DOP1A: variants seen among roughly 807,000 people sequenced by gnomAD.
DOP1A encodes the protein DOP1 leucine zipper like protein A.
A neutral mutation model predicts 267.6 loss-of-function variants in DOP1A; 90 were observed. The ratio of observed to expected loss-of-function variants is 0.34; its 90% CI spans 0.28 to 0.40. DOP1A has a LOEUF of 0.40. Ranked by LOEUF, DOP1A falls within the 10% of genes least tolerant of loss-of-function variation. DOP1A has a pLI of 1.00. For synonymous variants in DOP1A, 932 were observed against 999.1 expected (o/e 0.93, Z 1.27); for missense variants, 2,437 against 2,900.4 (o/e 0.84, Z 3.67).
At chr6:83,115,783 G>A (rs567370989) in intron 7 of DOP1A, among the ~76,000 whole-genome samples, 7 of 151,912 alleles carry the variant, frequency 4.6e-5, no homozygotes, top group Non-Finnish European at 8.8e-5. Context: ...GTGTTGTACC[G>A]TAGATCTTTT....
chr6:83,170,512 T>C (rs369681936), downstream of DOP1A: 1 of 1,557,246 alleles, frequency 6.4e-7, no homozygotes. Flanking sequence ...GTTACTCTAT[T>C]ACACTTCCTT....
chr6:83,155,822 G>A (rs1425304233), intron 33 of DOP1A, 129 bp from the exon 34 acceptor site: 3 of 1,057,268 alleles, frequency 2.8e-6, no homozygotes, highest in Admixed American at 5.5e-5. Context: ...CCCAGAGAGG[G>A]GCATCAAGTT....
Position 83,147,197 on chromosome 6 carries a change from ATTC to A in DOP1A, c.5677-32_5677-30del, listed in dbSNP as rs3830925. On this transcript the variant is annotated intron_variant, in intron 25 of 38. Coordinates refer to ENST00000349129, the MANE Select transcript of DOP1A (RefSeq NM_015018.4). Reference sequence around the variant, plus strand: ...GCAACAATGAAAAAGCAAAGGCAGTATTCTTCTTCACTACAAAATTGATTTCTT... The same window carrying A: ...GCAACAATGAAAAAGCAAAGGCAGTATTCTTCACTACAAAATTGATTTCTT... The A allele has an allele frequency of 4.3e-3, 4,805 of 1,105,246 alleles. 63 individuals are homozygous for A. The highest frequency in any genetic ancestry group is 0.038 in the African/African-American group (2,435 of 64,054). 68.5% of individuals were successfully genotyped at this position (1,105,246 alleles called of 1,614,324 possible). A position where few individuals can be genotyped will look rare whatever the true frequency, so the allele number is the denominator to read the frequency against.
chr6:83,142,333 C>G (rs1374085030), intron 24 of DOP1A, among the ~76,000 whole-genome samples: 1 of 151,974 alleles, frequency 6.6e-6, no homozygotes, highest in Non-Finnish European at 1.5e-5. Flanking sequence ...CATAGTGAAA[C>G]CCCGTCTCTA....
Position 83,120,690 on chromosome 6 carries a change from TG to T in DOP1A, c.1001del (p.Gly334GlufsTer5). ...FSKELLVQAMVGILQVNGFGE... is the reference protein window; with the variant it reads ...FSKELLVQAMXGILQVNGFGE... ...TACTTTCCTTTTTTAAAGGCAATGG[TG>T]GGAATCTTACAAGTGAATGGATTTG... On this transcript the variant is annotated frameshift_variant, in exon 10 of 39. Transcript: ENST00000349129. LOFTEE classifies it high-confidence loss of function. 6.4e-7 allele frequency: 1 copy of T among 1,573,904 alleles called. No homozygotes were observed. The highest frequency in any genetic ancestry group is 1.2e-5 in the South Asian group (1 of 86,922).
At chr6:83,086,601 C>T (rs1244389102) in intron 1 of DOP1A, among the ~76,000 whole-genome samples, 2 of 152,074 alleles carry the variant, frequency 1.3e-5, no homozygotes, top group Non-Finnish European at 2.9e-5. Flanking sequence ...TAAGAGATAA[C>T]AAACCTTGAG....
rs953980751 is a variant in DOP1A, at chr6:83,137,118, A to G, written c.3131-55A>G. 2.1e-5 allele frequency: 30 copies of G among 1,435,610 alleles called. 2 individuals are homozygous for G. The highest frequency in any genetic ancestry group is 1.8e-4 in the South Asian group (12 of 66,200). 88.9% of individuals were successfully genotyped at this position (1,435,610 alleles called of 1,614,324 possible). ...GATCAGTCTACATTTCTACATTTCAATTATTTTAATGCATTTTGTATTTTT... is the reference window on the plus strand; with the variant it reads ...GATCAGTCTACATTTCTACATTTCAGTTATTTTAATGCATTTTGTATTTTT... On this transcript the variant is annotated intron_variant, in intron 20 of 38. Coordinates refer to ENST00000349129, the MANE Select transcript of DOP1A (RefSeq NM_015018.4).
intron 27 of DOP1A, among the ~76,000 whole-genome samples, chr6:83,151,276 T>C (rs1229159707): frequency 6.6e-6 from 1 of 152,188 alleles, no homozygotes; most frequent in African/African-American, 2.4e-5. Context: ...TGCCTTAGCC[T>C]ACCAAGTAGC....
At chr6:83,134,536 TC>T (rs1778578203) in intron 19 of DOP1A, 1 of 368,694 alleles carries the variant, frequency 2.7e-6, no homozygotes, top group Non-Finnish European at 4.9e-6. Context: ...TTCATCACGT[TC>T]CTGATAATGT....
intron 29 of DOP1A, 110 bp from the exon 30 acceptor site, chr6:83,152,176 TAC>T: frequency 1.3e-6 from 1 of 773,162 alleles, no homozygotes; most frequent in Non-Finnish European, 2.0e-6. Flanking sequence ...AATATATATA[TAC>T]ATATACATAT....
intron 38 of DOP1A, chr6:83,166,740 T>C (rs926652932): frequency 3.5e-6 from 4 of 1,136,548 alleles, no homozygotes; most frequent in Admixed American, 4.8e-5. Context: ...TGAGAGCACA[T>C]AGAAGAAAAT....
chr6:83,086,530 G>A (rs1304507628), intron 1 of DOP1A, among the ~76,000 whole-genome samples: 3 of 152,134 alleles, frequency 2.0e-5, no homozygotes, highest in Admixed American at 6.6e-5. Context: ...AGACTCAGCT[G>A]TACCTCAGCA....
chr6:83,133,349 T>C (rs987399436), intron 18 of DOP1A, among the ~76,000 whole-genome samples: 2 of 152,108 alleles, frequency 1.3e-5, no homozygotes, highest in African/African-American at 4.8e-5. Flanking sequence ...AAAATATCTT[T>C]TACTACTTAA....
intron 1 of DOP1A, among the ~76,000 whole-genome samples, chr6:83,070,317 C>A (rs905418046): frequency 3.3e-5 from 5 of 151,996 alleles, no homozygotes; most frequent in South Asian, 2.1e-4. Flanking sequence ...AAATATGATA[C>A]CCTTGTCTTT....
In DOP1A at chr6:83,151,876, T is replaced by G. The variant is rs1781758524; in HGVS notation, c.5905-7T>G. ...CCATACATAGTTGTTCTTCCTTATT[T>G]TTTTAGGATGTAACTCACAAAATAG... On this transcript the variant is annotated splice_region_variant and splice_polypyrimidine_tract_variant and intron_variant, in intron 28 of 38. Coordinates refer to ENST00000349129, the MANE Select transcript of DOP1A (RefSeq NM_015018.4). 1 of 1,613,100 alleles carries G rather than the reference T, an allele frequency of 6.2e-7. No individual in the cohort carries two copies. The highest frequency in any genetic ancestry group is 1.3e-5 in the African/African-American group (1 of 74,878).
intron 27 of DOP1A, among the ~76,000 whole-genome samples, chr6:83,149,817 A>G (rs1462511651): frequency 6.6e-6 from 1 of 152,200 alleles, no homozygotes; most frequent in Non-Finnish European, 1.5e-5. Flanking sequence ...AAGTATCAAA[A>G]AGAAGAAAAC....
intron 1 of DOP1A, among the ~76,000 whole-genome samples, chr6:83,082,896 C>T (rs1263667116): frequency 1.3e-5 from 2 of 151,836 alleles, no homozygotes; most frequent in Non-Finnish European, 2.9e-5. Flanking sequence ...CACCCTCTGC[C>T]TCCTGGGTTC....
chr6:83,148,224 C>T (rs1263782678), intron 26 of DOP1A, among the ~76,000 whole-genome samples: 4 of 151,860 alleles, frequency 2.6e-5, no homozygotes, highest in Admixed American at 6.6e-5. Context: ...CCATACTGGC[C>T]AACATGGTGA....
At chr6:83,093,052 A>C (rs1770753489) in intron 1 of DOP1A, among the ~76,000 whole-genome samples, 1 of 152,194 alleles carries the variant, frequency 6.6e-6, no homozygotes, top group Non-Finnish European at 1.5e-5. Context: ...TTTCCTCCCC[A>C]CATAAACTTT....
Sources: allele counts gnomAD v4.1 joint callset (sites outside exome capture counted in the v4.1 genomes callset), GRCh38; gene constraint gnomAD v4.1.1; transcripts MANE v1.5; gene names NCBI Gene and HGNC (gene_info 2026-07-23, HGNC 2026-07-21).